PARD3B: variants seen among roughly 807,000 people sequenced by gnomAD.
PARD3B encodes partitioning defective 3 homolog B.
A neutral mutation model predicts 130.2 loss-of-function variants in PARD3B; 103 were observed. That is an observed-to-expected ratio of 0.79 (90% CI 0.67 to 0.93). The LOEUF (loss-of-function observed/expected upper bound fraction) is 0.93, where lower values mean the gene tolerates loss of function less well. Among genes scored for constraint, PARD3B ranks in the 40% least tolerant of loss-of-function variants. The pLI is 0.00. For missense variants in PARD3B, 1,609 were observed against 1,499.2 expected (o/e 1.07, Z -1.21); for synonymous variants, 583 against 553.2 (o/e 1.05, Z -0.76).
rs2046297664 is a variant in PARD3B, at chr2:204,887,261, A to T, written c.223-77891A>T. ...AGAACCCACAAATTACCAATTAAAC[A>T]CAATCTTCCAAAACAATGTGATTAT... On this transcript the variant is annotated intron_variant, in intron 2 of 22. Transcript: ENST00000406610. The surrounding 1 kb of genome is among the most constrained non-coding windows in gnomAD (Gnocchi z 4.2). 6.6e-6 allele frequency among the ~76,000 whole-genome samples: 1 copy of T among 152,250 alleles called. No individual in the cohort carries two copies. Among genetic ancestry groups the T allele is most frequent in the Non-Finnish European group, 1.5e-5 (1 of 68,040 alleles).
chr2:205,552,644 G>A (rs1043979548), intron 21 of PARD3B, among the ~76,000 whole-genome samples: 25 of 152,018 alleles, frequency 1.6e-4, no homozygotes, highest in African/African-American at 6.0e-4. Flanking sequence ...CCAGACCTCA[G>A]GCAATCCACC....
chr2:205,554,883 C>G (rs1304837376), intron 22 of PARD3B, among the ~76,000 whole-genome samples: 1 of 152,140 alleles, frequency 6.6e-6, no homozygotes, highest in Non-Finnish European at 1.5e-5. Flanking sequence ...CATTTTATAT[C>G]AAGGACTTGA....
intron 1 of PARD3B, among the ~76,000 whole-genome samples, chr2:204,595,227 T>C (rs999671993): frequency 1.3e-5 from 2 of 152,216 alleles, no homozygotes; most frequent in Non-Finnish European, 1.5e-5. Flanking sequence ...GAGCAAAGTC[T>C]ACTCCATCCT....
chr2:205,490,479 T>C (rs1043836709), intron 20 of PARD3B, among the ~76,000 whole-genome samples: 50 of 152,216 alleles, frequency 3.3e-4, no homozygotes, highest in Non-Finnish European at 5.9e-4. Flanking sequence ...TTCTGTGGTG[T>C]ATATGTGCCA....
rs2053009031 is a variant in PARD3B at position 205,558,726 on chromosome 2, A to G, written c.3260+5323A>G. 2.0e-5 allele frequency among the ~76,000 whole-genome samples: 3 copies of G among 152,092 alleles called. No homozygotes were observed. The highest frequency in any genetic ancestry group is 7.2e-5 in the African/African-American group (3 of 41,394). On this transcript the variant is annotated intron_variant, in intron 22 of 22. Transcript: ENST00000406610. The surrounding 1 kb of genome is among the most constrained non-coding windows in gnomAD (Gnocchi z 4.8). The stretch of plus-strand genomic sequence containing the variant: ...CAATGCCCGTCTCTATGATGATTCC[A>G]AAAGTACCTGCCTAACATTCATGTC...
intron 12 of PARD3B, among the ~76,000 whole-genome samples, chr2:205,175,787 C>T (rs1280865398): frequency 4.6e-5 from 7 of 152,188 alleles, no homozygotes; most frequent in Non-Finnish European, 8.8e-5. Context: ...ATTCCTTCTT[C>T]AGCACCTGTG....
At chr2:204,755,640 G>A (rs1372463704) in intron 2 of PARD3B, among the ~76,000 whole-genome samples, 1 of 152,128 alleles carries the variant, frequency 6.6e-6, no homozygotes, top group African/African-American at 2.4e-5. Context: ...CTGGGGTACA[G>A]AGACTGAATC....
chr2:205,194,752 C>T (rs2036578288), intron 15 of PARD3B, among the ~76,000 whole-genome samples: 1 of 151,774 alleles, frequency 6.6e-6, no homozygotes, highest in African/African-American at 2.4e-5. Context: ...TGTGCAGAAT[C>T]AATATTTTTG....
intron 21 of PARD3B, among the ~76,000 whole-genome samples, chr2:205,502,686 C>T (rs1234596255): frequency 6.6e-6 from 1 of 152,048 alleles, no homozygotes; most frequent in African/African-American, 2.4e-5. Context: ...AACAACTACT[C>T]GTAAACCCAT....
chr2:205,316,524 C>G (rs2042568943), intron 18 of PARD3B, among the ~76,000 whole-genome samples: 1 of 152,128 alleles, frequency 6.6e-6, no homozygotes. Context: ...TTAAGCACTA[C>G]TCTCTGGGAA....
intron 21 of PARD3B, among the ~76,000 whole-genome samples, chr2:205,524,052 GA>G (rs1176880116): frequency 6.6e-6 from 1 of 151,926 alleles, no homozygotes; most frequent in Non-Finnish European, 1.5e-5. Context: ...TAATATTGAT[GA>G]AGGAGAAATC....
In PARD3B at chr2:205,241,248, C is replaced by T. The variant is rs1159597022; in HGVS notation, c.2141-4530C>T. On this transcript the variant is annotated intron_variant, in intron 15 of 22. Coordinates refer to ENST00000406610, the MANE Select transcript of PARD3B (RefSeq NM_001302769.2). This position sits in a 1 kb window ranked among gnomAD's most constrained non-coding sequence, Gnocchi z 4.2. ...CAAAGAGTGTCCTCTTTATTAAGCA[C>T]CTTATGATAATTAGGTAAAATAATG... Among the ~76,000 whole-genome samples, 2 of 151,982 alleles carry T rather than the reference C, an allele frequency of 1.3e-5. No homozygotes were observed. Among genetic ancestry groups the T allele is most frequent in the Non-Finnish European group, 2.9e-5 (2 of 67,972 alleles).
In PARD3B at chr2:205,444,155, G is replaced by C. The variant is rs146194916; in HGVS notation, c.3044+3483G>C. 1.8e-4 allele frequency among the ~76,000 whole-genome samples: 28 copies of C among 152,274 alleles called. No individual in the cohort carries two copies. In the East Asian group the frequency reaches 5.4e-3, roughly 29 times the overall value. Reference sequence around the variant, plus strand: ...AAGCCACCAACCCGACTAATTTTTTGTATTTTTAGTAGAGACGGGGTTTTG... The same window carrying C: ...AAGCCACCAACCCGACTAATTTTTTCTATTTTTAGTAGAGACGGGGTTTTG... On this transcript the variant is annotated intron_variant, in intron 20 of 22. Transcript: ENST00000406610.
intron 21 of PARD3B, among the ~76,000 whole-genome samples, chr2:205,535,411 T>C (rs892089212): frequency 2.6e-5 from 4 of 152,184 alleles, no homozygotes; most frequent in African/African-American, 9.6e-5. Flanking sequence ...TCCTTAGAGA[T>C]GTGTACTAAC....
At chr2:204,962,841 A>G (rs1222395211) in intron 2 of PARD3B, among the ~76,000 whole-genome samples, 2 of 152,158 alleles carry the variant, frequency 1.3e-5, no homozygotes, top group Non-Finnish European at 2.9e-5. Context: ...AGACTTTTTC[A>G]TCCATTCACC....
At chr2:205,042,046 C>T (rs1394332966) in intron 3 of PARD3B, among the ~76,000 whole-genome samples, 2 of 152,096 alleles carry the variant, frequency 1.3e-5, no homozygotes, top group Non-Finnish European at 2.9e-5. Flanking sequence ...AGAGGTAGCA[C>T]CTTACATTTT....
intron 20 of PARD3B, among the ~76,000 whole-genome samples, chr2:205,490,682 G>A (rs1174536241): frequency 6.6e-6 from 1 of 152,126 alleles, no homozygotes; most frequent in African/African-American, 2.4e-5. Context: ...CTGAGGAATC[G>A]CCACACTGAC....
intron 3 of PARD3B, among the ~76,000 whole-genome samples, chr2:204,989,402 T>C (rs1693448154): frequency 6.6e-6 from 1 of 152,090 alleles, no homozygotes; most frequent in Non-Finnish European, 1.5e-5. Context: ...AGCCAGGACA[T>C]TTTACTAGAG....
At chr2:205,028,219 T>G (rs1697169629) in intron 3 of PARD3B, among the ~76,000 whole-genome samples, 2 of 152,206 alleles carry the variant, frequency 1.3e-5, no homozygotes, top group Non-Finnish European at 2.9e-5. Context: ...CTCTCTCCAT[T>G]AATTTGAGTC....
Sources: gnomAD v4.1 joint callset for allele counts (sites outside exome capture counted in the v4.1 genomes callset) on GRCh38, gnomAD v4.1.1 for gene constraint, Gnocchi (gnomAD v3.1) non-coding constraint, MANE v1.5 for transcripts, NCBI Gene and HGNC (gene_info 2026-07-23, HGNC 2026-07-21) for gene names.